The following FUT8 variants were observed in gnomAD, a reference collection of about 807,000 sequenced individuals.
FUT8 encodes alpha-(1,6)-fucosyltransferase.
In FUT8, 29 loss-of-function variants were observed where a neutral mutation model predicts 71.3. The ratio of observed to expected loss-of-function variants is 0.41; its 90% CI spans 0.30 to 0.55. FUT8 has a LOEUF of 0.55. FUT8 is among the 20% of genes least tolerant of loss of function. The probability of loss-of-function intolerance (pLI) is 0.34; values close to 1 mark genes in which losing one functional copy is unlikely to be tolerated. For synonymous variants in FUT8, 254 were observed against 239.3 expected (o/e 1.06, Z -0.57); for missense variants, 544 against 702.1 (o/e 0.77, Z 2.55).
At chr14:65,395,374 T>C in the FUT8 span, among the ~76,000 whole-genome samples, 1 of 152,174 alleles carries the variant, frequency 6.6e-6, no homozygotes, top group South Asian at 2.1e-4. Context: ...CTAGCAGAGG[T>C]TCTCCATGTG....
In FUT8 at chr14:65,560,116, C is replaced by G. The variant is rs114804159; in HGVS notation, c.-227-1221C>G. On this transcript the variant is annotated intron_variant, in intron 2 of 10. Coordinates refer to ENST00000673929, the MANE Select transcript of FUT8 (RefSeq NM_001371533.1). Reference sequence around the variant, plus strand: ...TTAAAAACAATTGAGATTTAAGGTGCAAACATAGAAAAATAGTGGCCCTGT... The same window carrying G: ...TTAAAAACAATTGAGATTTAAGGTGGAAACATAGAAAAATAGTGGCCCTGT... Among the ~76,000 whole-genome samples the G allele has an allele frequency of 8.4e-3, 1,273 of 152,130 alleles. 17 individuals are homozygous for G. Among genetic ancestry groups the G allele is most frequent in the African/African-American group, 0.029 (1,221 of 41,502 alleles).
At chr14:65,633,110 A>C (rs907523289) in intron 6 of FUT8, among the ~76,000 whole-genome samples, 1 of 149,914 alleles carries the variant, frequency 6.7e-6, no homozygotes, top group Non-Finnish European at 1.5e-5. Context: ...GCTCACTGCA[A>C]CCTCCCTGCC....
intron 5 of FUT8, among the ~76,000 whole-genome samples, chr14:65,621,353 G>A (rs1345083275): frequency 6.6e-6 from 1 of 151,716 alleles, no homozygotes; most frequent in Admixed American, 6.6e-5. Context: ...GGATTCAAGC[G>A]ATTCTCCTGC....
At chr14:65,524,629 C>A (rs111688198) in intron 2 of FUT8, among the ~76,000 whole-genome samples, 2,469 of 152,182 alleles carry the variant, frequency 0.016, 54 homozygotes, top group East Asian at 0.092. Flanking sequence ...GAGTGGTGAG[C>A]GAGGGCATCC....
At chr14:65,591,846 T>C (rs1887705562) in intron 3 of FUT8, among the ~76,000 whole-genome samples, 1 of 151,914 alleles carries the variant, frequency 6.6e-6, no homozygotes, top group Non-Finnish European at 1.5e-5. Context: ...CAGGCTTTTT[T>C]TTTTTTTTTG....
intron 2 of FUT8, among the ~76,000 whole-genome samples, chr14:65,509,114 A>T (rs1882167372): frequency 1.3e-5 from 2 of 152,158 alleles, no homozygotes; most frequent in South Asian, 4.2e-4. Context: ...ATGGTGAGAG[A>T]TAGGAGTCTA....
intron 7 of FUT8, among the ~76,000 whole-genome samples, chr14:65,707,391 T>C (rs1202164753): frequency 1.3e-5 from 2 of 152,216 alleles, no homozygotes; most frequent in Non-Finnish European, 2.9e-5. Context: ...CTTATTATTA[T>C]AGATATTAGC....
At chr14:65,700,113 T>G (rs959262502) in intron 7 of FUT8, among the ~76,000 whole-genome samples, 4 of 152,192 alleles carry the variant, frequency 2.6e-5, no homozygotes. Flanking sequence ...ATATGTTGTT[T>G]CCTGTGCACT....
At chr14:65,569,043 T>C (rs1011410305) in intron 3 of FUT8, among the ~76,000 whole-genome samples, 1 of 151,886 alleles carries the variant, frequency 6.6e-6, no homozygotes, top group Non-Finnish European at 1.5e-5. Context: ...TTAAAAGCAT[T>C]TAAAACATGT....
At position 65,413,668 on chromosome 14, in the gene FUT8, G is replaced by A. The variant is rs1164631225; in HGVS notation, c.-326+454G>A. 3.3e-5 allele frequency among the ~76,000 whole-genome samples: 5 copies of A among 152,176 alleles called. No individual in the cohort carries two copies. Among genetic ancestry groups the A allele is most frequent in the African/African-American group, 1.2e-4 (5 of 41,444 alleles). On this transcript the variant is annotated intron_variant, in intron 1 of 10. Coordinates refer to ENST00000673929, the MANE Select transcript of FUT8 (RefSeq NM_001371533.1). The surrounding 1 kb of genome is among the most constrained non-coding windows in gnomAD (Gnocchi z 4.1). The stretch of plus-strand genomic sequence containing the variant: ...TGCCCGTGCGTTATGGGCTCTTTCT[G>A]AGTGCTGCTCGGGCTAGAAAGCAGG...
In FUT8 at chr14:65,700,485, C is replaced by T. The variant is rs112523945; in HGVS notation, c.836-21290C>T. 9.8e-3 allele frequency among the ~76,000 whole-genome samples: 1,391 copies of T among 142,116 alleles called. 21 individuals are homozygous for T. The highest frequency in any genetic ancestry group is 0.034 in the African/African-American group (1,316 of 38,532). The allele number at this position is 142,116 out of a possible 152,430, so 93.2% of individuals were successfully genotyped here. On this transcript the variant is annotated intron_variant, in intron 7 of 10. Coordinates refer to ENST00000673929, the MANE Select transcript of FUT8 (RefSeq NM_001371533.1). ...GGCTCACTGCAAGCTCCGCCTCCTGCGTACACACCATTCTCCTGCCTCAGC... is the reference window on the plus strand; with the variant it reads ...GGCTCACTGCAAGCTCCGCCTCCTGTGTACACACCATTCTCCTGCCTCAGC...
At chr14:65,530,490 C>A (rs1433788634) in intron 2 of FUT8, among the ~76,000 whole-genome samples, 1 of 152,050 alleles carries the variant, frequency 6.6e-6, no homozygotes, top group African/African-American at 2.4e-5. Context: ...TTGAGAAAAT[C>A]CTTAGCAAGT....
chr14:65,382,472 A>G, the FUT8 span, among the ~76,000 whole-genome samples: 1 of 152,182 alleles, frequency 6.6e-6, no homozygotes, highest in East Asian at 1.9e-4. Flanking sequence ...AGTAGCTGGG[A>G]CTATAGGCAC....
At chr14:65,683,207 G>A (rs561220988) in intron 7 of FUT8, among the ~76,000 whole-genome samples, 4 of 152,068 alleles carry the variant, frequency 2.6e-5, no homozygotes, top group African/African-American at 9.6e-5. Context: ...TATAGATGGG[G>A]TTTCACTATG....
At position 65,427,952 on chromosome 14, in the gene FUT8, CTCCTT is replaced by C. The variant is rs1485538441; in HGVS notation, c.-326+14741_-326+14745del. 6.6e-5 allele frequency among the ~76,000 whole-genome samples: 10 copies of C among 152,250 alleles called. No homozygotes were observed. In the East Asian group the frequency reaches 1.9e-3, roughly 29 times the overall value. On this transcript the variant is annotated intron_variant, in intron 1 of 10. Transcript: ENST00000673929. ...CAATAGTGTAGTCTTTTGTGTACTC[CTCCTT>C]TCATTTAGCATGATTCTGTTTAGTA...
intron 1 of FUT8, among the ~76,000 whole-genome samples, chr14:65,419,085 G>A (rs1241729092): frequency 2.6e-5 from 4 of 151,924 alleles, no homozygotes; most frequent in African/African-American, 7.3e-5. Context: ...AAAATTAGTC[G>A]GGCATGGTGG....
At chr14:65,688,987 C>T (rs1300457166) in intron 7 of FUT8, among the ~76,000 whole-genome samples, 1 of 152,136 alleles carries the variant, frequency 6.6e-6, no homozygotes, top group Non-Finnish European at 1.5e-5. Context: ...TCTCATGTAA[C>T]TTAATTACCT....
At chr14:65,564,616 C>T (rs1287281980) in intron 3 of FUT8, among the ~76,000 whole-genome samples, 1 of 151,926 alleles carries the variant, frequency 6.6e-6, no homozygotes, top group Non-Finnish European at 1.5e-5. Context: ...ACGTAACCAT[C>T]ACAAAAACTA....
At chr14:65,541,711 C>T (rs1484335222) in intron 2 of FUT8, among the ~76,000 whole-genome samples, 1 of 152,118 alleles carries the variant, frequency 6.6e-6, no homozygotes, top group African/African-American at 2.4e-5. Flanking sequence ...ACTGACACAC[C>T]CAGAAATGAT....
Sources: gnomAD v4.1 joint callset for allele counts (sites outside exome capture counted in the v4.1 genomes callset) on GRCh38, gnomAD v4.1.1 for gene constraint, Gnocchi (gnomAD v3.1) non-coding constraint, MANE v1.5 for transcripts, NCBI Gene and HGNC (gene_info 2026-07-23, HGNC 2026-07-21) for gene names.